The following SPATA17 variants were observed in gnomAD, a reference collection of about 807,000 sequenced individuals.
The protein encoded by SPATA17 is spermatogenesis-associated protein 17.
SPATA17 carries 53 observed loss-of-function variants against 62.2 expected under a neutral mutation model. The ratio of observed to expected loss-of-function variants is 0.85; its 90% CI spans 0.68 to 1.07. The LOEUF (loss-of-function observed/expected upper bound fraction) is 1.07, where lower values mean the gene tolerates loss of function less well. SPATA17 is among the 50% of genes least tolerant of loss of function. The pLI is 0.00. For missense variants in SPATA17, 466 were observed against 425.5 expected (o/e 1.10, Z -0.84); for synonymous variants, 146 against 146.8 (o/e 0.99, Z 0.04).
chr1:217,820,689 A>G (rs1282229761), intron 9 of SPATA17, among the ~76,000 whole-genome samples: 2 of 152,016 alleles, frequency 1.3e-5, no homozygotes, highest in African/African-American at 4.8e-5. Flanking sequence ...AAAATATAGA[A>G]TAGAATATAA....
Position 217,774,171 on chromosome 1 carries a change from T to C in SPATA17, c.520-163T>C, listed in dbSNP as rs568874609. On this transcript the variant is annotated intron_variant, in intron 6 of 10. Transcript: ENST00000366933. Reference sequence around the variant, plus strand: ...AGAGTAAGGACAAGTATGAGTATTTTGTAAAATCTCTTTAGGTAAATCTGA... The same window carrying C: ...AGAGTAAGGACAAGTATGAGTATTTCGTAAAATCTCTTTAGGTAAATCTGA... Among the ~76,000 whole-genome samples, 6 of 152,324 alleles carry C rather than the reference T, an allele frequency of 3.9e-5. No homozygotes were observed. In the East Asian group the frequency reaches 1.2e-3, roughly 29 times the overall value.
intron 8 of SPATA17, among the ~76,000 whole-genome samples, chr1:217,784,265 C>CT (rs1343562651): frequency 6.6e-6 from 1 of 152,020 alleles, no homozygotes; most frequent in Admixed American, 6.6e-5. Context: ...GCAGAGGGTC[C>CT]TTTTACCACA....
At chr1:217,850,930 C>T (rs1046548532) in intron 9 of SPATA17, among the ~76,000 whole-genome samples, 2 of 152,024 alleles carry the variant, frequency 1.3e-5, no homozygotes, top group Non-Finnish European at 2.9e-5. Flanking sequence ...TATGATTATG[C>T]ACCATAGGCA....
At chr1:217,856,275 C>G (rs1304071478) in intron 9 of SPATA17, among the ~76,000 whole-genome samples, 1 of 152,148 alleles carries the variant, frequency 6.6e-6, no homozygotes. Context: ...TTGCTATGTG[C>G]TGGACACTGT....
At chr1:217,694,452 C>G (rs1486830359) in intron 5 of SPATA17, among the ~76,000 whole-genome samples, 1 of 140,788 alleles carries the variant, frequency 7.1e-6, no homozygotes, top group Non-Finnish European at 1.5e-5. Context: ...ATCCAACTTG[C>G]CAGTCTGTGT....
At chr1:217,688,685 T>C (rs1167070525) in intron 5 of SPATA17, among the ~76,000 whole-genome samples, 1 of 152,184 alleles carries the variant, frequency 6.6e-6, no homozygotes, top group Non-Finnish European at 1.5e-5. Flanking sequence ...TGCTCATCAT[T>C]CTTTATGTTG....
chr1:217,770,969 A>G (rs1008312881), intron 6 of SPATA17, among the ~76,000 whole-genome samples: 5 of 99,360 alleles, frequency 5.0e-5, no homozygotes, highest in Non-Finnish European at 9.9e-5. Context: ...CTATTATATA[A>G]CTCATTGCAT....
intron 3 of SPATA17, among the ~76,000 whole-genome samples, chr1:217,661,807 A>T (rs1271939620): frequency 1.3e-5 from 2 of 152,030 alleles, no homozygotes; most frequent in Non-Finnish European, 2.9e-5. Flanking sequence ...TGCTCAGTGC[A>T]CATGCATTTT....
intron 6 of SPATA17, among the ~76,000 whole-genome samples, chr1:217,744,140 T>G (rs1672692540): frequency 6.6e-6 from 1 of 152,176 alleles, no homozygotes; most frequent in Non-Finnish European, 1.5e-5. Context: ...TCATTTCATT[T>G]CATTTTTAAA....
intron 9 of SPATA17, among the ~76,000 whole-genome samples, chr1:217,822,032 C>T (rs779282061): frequency 1.3e-5 from 2 of 152,114 alleles, no homozygotes; most frequent in Non-Finnish European, 2.9e-5. Context: ...GCTAAACTTT[C>T]TACAATGCAT....
rs554257330 is a variant in SPATA17, at chr1:217,690,103, A to G, written c.395+6742A>G. ...ATTTTAGTAGAGACAGGGTTTCACC[A>G]TATTGGTCAGGCTGGTCTCAAACTC... is the stretch of plus-strand genomic sequence containing the variant. On this transcript the variant is annotated intron_variant, in intron 5 of 10. Transcript: ENST00000366933. Among the ~76,000 whole-genome samples the G allele has an allele frequency of 9.2e-5, 14 of 152,180 alleles. No individual in the cohort carries two copies. In the East Asian group the frequency reaches 2.7e-3, roughly 29 times the overall value.
intron 8 of SPATA17, among the ~76,000 whole-genome samples, chr1:217,795,683 G>A (rs1674118940): frequency 6.6e-6 from 1 of 151,708 alleles, no homozygotes. Flanking sequence ...AAAGTCTATT[G>A]ACTTCATGGA....
chr1:217,804,035 G>A (rs1349306467), intron 9 of SPATA17, among the ~76,000 whole-genome samples: 3 of 150,898 alleles, frequency 2.0e-5, no homozygotes, highest in Non-Finnish European at 4.4e-5. Context: ...AAAAAAAAAA[G>A]AAGAAGAAAA....
chr1:217,799,515 A>G (rs916189707), intron 8 of SPATA17, among the ~76,000 whole-genome samples: 4 of 152,178 alleles, frequency 2.6e-5, no homozygotes, highest in African/African-American at 9.6e-5. Flanking sequence ...AATCTATCTT[A>G]TATGAGAGCT....
At chr1:217,735,033 C>T (rs1334325931) in intron 5 of SPATA17, among the ~76,000 whole-genome samples, 2 of 152,150 alleles carry the variant, frequency 1.3e-5, no homozygotes, top group African/African-American at 2.4e-5. Context: ...TCTTCTCTCT[C>T]CTAATTAAAC....
At chr1:217,653,518 G>A (rs1039936235) in intron 3 of SPATA17, among the ~76,000 whole-genome samples, 3 of 151,958 alleles carry the variant, frequency 2.0e-5, no homozygotes, top group African/African-American at 7.3e-5. Flanking sequence ...AATTAATATA[G>A]TTAAATATAT....
At chr1:217,643,542 A>T (rs1266214573) in intron 1 of SPATA17, among the ~76,000 whole-genome samples, 1 of 151,724 alleles carries the variant, frequency 6.6e-6, no homozygotes, top group Non-Finnish European at 1.5e-5. Flanking sequence ...ACCTTACCCC[A>T]CACAGGCTCT....
At chr1:217,678,127 T>A (rs572388836) in intron 4 of SPATA17, among the ~76,000 whole-genome samples, 59 of 152,056 alleles carry the variant, frequency 3.9e-4, no homozygotes, top group African/African-American at 1.4e-3. Flanking sequence ...TGTGCTCTCA[T>A]ATACATTTAG....
rs368971976 is a variant in SPATA17 at position 217,793,410 on chromosome 1, C to T, written c.873-8308C>T. Among the ~76,000 whole-genome samples, 484 of 151,922 alleles carry T rather than the reference C, an allele frequency of 3.2e-3. 2 individuals are homozygous for T. Among genetic ancestry groups the T allele is most frequent in the African/African-American group, 0.011 (442 of 41,458 alleles). Reference sequence around the variant, plus strand: ...TAATTTTTTGTACTTTTAGTAGAGACGGGGTTTCACCGTGTTAGCCAGGAT... The same window carrying T: ...TAATTTTTTGTACTTTTAGTAGAGATGGGGTTTCACCGTGTTAGCCAGGAT... On this transcript the variant is annotated intron_variant, in intron 8 of 10. Coordinates refer to ENST00000366933, the MANE Select transcript of SPATA17 (RefSeq NM_138796.4).
Sources: allele counts gnomAD v4.1 joint callset (sites outside exome capture counted in the v4.1 genomes callset), GRCh38; gene constraint gnomAD v4.1.1; transcripts MANE v1.5; gene names NCBI Gene and HGNC (gene_info 2026-07-23, HGNC 2026-07-21).